The following TFG variants were observed in gnomAD, a reference collection of about 807,000 sequenced individuals.
The protein encoded by TFG is trafficking from ER to golgi regulator.
In TFG, 22 loss-of-function variants were observed where a neutral mutation model predicts 51.4. The ratio of observed to expected loss-of-function variants is 0.43; its 90% CI spans 0.31 to 0.61. The LOEUF (loss-of-function observed/expected upper bound fraction) is 0.61, where lower values mean the gene tolerates loss of function less well. Ranked by LOEUF, TFG falls within the 20% of genes least tolerant of loss-of-function variation. The probability of loss-of-function intolerance (pLI) is 0.12; values close to 1 mark genes in which losing one functional copy is unlikely to be tolerated. For synonymous variants in TFG, 187 were observed against 165.6 expected (o/e 1.13, Z -0.99); for missense variants, 419 against 487.7 (o/e 0.86, Z 1.33).
chr3:100,741,440 T>C (rs1035754707), intron 6 of TFG, among the ~76,000 whole-genome samples: 5 of 152,156 alleles, frequency 3.3e-5, no homozygotes, highest in Non-Finnish European at 7.4e-5. Context: ...AAAATGCTTA[T>C]AGAATAAGGA....
chr3:100,711,977 A>C (rs1010851728), intron 1 of TFG, among the ~76,000 whole-genome samples: 1 of 152,228 alleles, frequency 6.6e-6, no homozygotes, highest in Non-Finnish European at 1.5e-5. Context: ...CGAGAAGTCC[A>C]TTGTGAGAAC....
intron 7 of TFG, among the ~76,000 whole-genome samples, chr3:100,745,591 C>T (rs2095132725): frequency 6.6e-6 from 1 of 152,000 alleles, no homozygotes; most frequent in Admixed American, 6.6e-5. Flanking sequence ...GCTATAATTC[C>T]AGTATTTTTT....
At chr3:100,746,267 C>CT (rs1218714024) in intron 7 of TFG, among the ~76,000 whole-genome samples, 1 of 152,080 alleles carries the variant, frequency 6.6e-6, no homozygotes, top group African/African-American at 2.4e-5. Context: ...CTGGGGGAGG[C>CT]TATGTGTGGG....
chr3:100,731,907 A>G (rs1334461255), intron 4 of TFG, among the ~76,000 whole-genome samples: 1 of 152,200 alleles, frequency 6.6e-6, no homozygotes, highest in Non-Finnish European at 1.5e-5. Flanking sequence ...TAAGCATTTT[A>G]ATAAGTATTT....
At chr3:100,711,967 C>T (rs72919426) in intron 1 of TFG, among the ~76,000 whole-genome samples, 4,528 of 152,206 alleles carry the variant, frequency 0.03, 183 homozygotes, top group African/African-American at 0.092. Flanking sequence ...ACTGTCTTCA[C>T]GAGAAGTCCA....
chr3:100,713,659 T>C lies in TFG; in HGVS notation c.-27T>C. ...TTTTATCAGTCTTTCTCTAGAGTTG[T>C]ATATATAGAACATCCTGGAGTCCAC... On this transcript the variant is annotated 5_prime_UTR_variant, in exon 2 of 8. Transcript: ENST00000240851. 4 of 1,514,756 alleles carry C rather than the reference T, an allele frequency of 2.6e-6. No individual in the cohort carries two copies. Among genetic ancestry groups the C allele is most frequent in the Non-Finnish European group, 3.6e-6 (4 of 1,119,950 alleles). The allele number at this position is 1,514,756 out of a possible 1,614,324, so 93.8% of individuals were successfully genotyped here. A position where few individuals can be genotyped will look rare whatever the true frequency, so the allele number is the denominator to read the frequency against.
At position 100,713,822 on chromosome 3, in the gene TFG, G is replaced by T; in HGVS notation, c.137G>T (p.Gly46Val). Reference sequence around the variant, plus strand: ...CTAATGATGCAACGAGTTTTCAGAGGAAAACTTCTGAGTAATGATGAAGTA... The same window carrying T: ...CTAATGATGCAACGAGTTTTCAGAGTAAAACTTCTGAGTAATGATGAAGTA... ...LVLMMQRVFR[G>V]KLLSNDEVTI... The change falls in exon 2 of 8, where the codon GGA becomes GTA. Residue 46 changes from glycine to valine, a missense_variant. Coordinates refer to ENST00000240851, the MANE Select transcript of TFG (RefSeq NM_006070.6). 1 of 1,581,232 alleles carries T rather than the reference G, an allele frequency of 6.3e-7. No individual in the cohort carries two copies. Among genetic ancestry groups the T allele is most frequent in the South Asian group, 1.2e-5 (1 of 86,540 alleles).
At position 100,741,255 on chromosome 3, in the gene TFG, G is replaced by A. The variant is rs115821936; in HGVS notation, c.722-3578G>A. On this transcript the variant is annotated intron_variant, in intron 6 of 7. Transcript: ENST00000240851. ...AAGGCATTGTTATCATAGGAGATGA[G>A]AGCTCCATGGATGTTCTTGACCCTG... is the stretch of plus-strand genomic sequence containing the variant. Among the ~76,000 whole-genome samples the A allele has an allele frequency of 3.2e-3, 494 of 152,272 alleles. 2 individuals carry two copies. Among genetic ancestry groups the A allele is most frequent in the African/African-American group, 0.012 (483 of 41,566 alleles).
chr3:100,710,970 G>C (rs538084991), intron 1 of TFG: 2 of 152,340 alleles, frequency 1.3e-5, no homozygotes, highest in South Asian at 4.1e-4. Flanking sequence ...ACTCTGGGGA[G>C]ATGACTGCAA....
intron 5 of TFG, among the ~76,000 whole-genome samples, chr3:100,732,929 A>G (rs1453507226): frequency 6.6e-6 from 1 of 152,182 alleles, no homozygotes; most frequent in African/African-American, 2.4e-5. Context: ...TTAAAGAATA[A>G]GCACTGTTGG....
intron 2 of TFG, 32 bp from the exon 3 acceptor site, chr3:100,719,943 A>G: frequency 7.0e-7 from 1 of 1,421,370 alleles, no homozygotes; most frequent in Non-Finnish European, 9.6e-7. Flanking sequence ...TTAAAAAATT[A>G]AAAAACAACC....
At chr3:100,747,757 T>C (rs1379682154) in intron 7 of TFG, among the ~76,000 whole-genome samples, 2 of 152,196 alleles carry the variant, frequency 1.3e-5, no homozygotes, top group Non-Finnish European at 2.9e-5. Flanking sequence ...CATATAAAAA[T>C]GTTCATTCTC....
rs753375115 is a variant in TFG at position 100,748,272 on chromosome 3, C to T, written c.944C>T (p.Pro315Leu). ...CAGCCTCAACAACTGCCTGCTCAGC[C>T]GCCACAGCAGTACCAGGCGAGCAAT... ...SGQPQQLPAQPPQQYQASNYP... is the reference protein window; with the variant it reads ...SGQPQQLPAQLPQQYQASNYP... The change falls in exon 8 of 8, where the codon CCG becomes CTG. Residue 315 changes from proline to leucine, a missense_variant. Transcript: ENST00000240851. 73 of 1,613,960 alleles carry T rather than the reference C, an allele frequency of 4.5e-5. 1 individual carries two copies. The highest frequency in any genetic ancestry group is 1.6e-4 in the Middle Eastern group (1 of 6,084).
rs2095037868 is a variant in TFG, at chr3:100,713,889, T to C, written c.184+20T>C. The C allele has an allele frequency of 7.9e-7, 1 of 1,272,372 alleles. No individual in the cohort carries two copies. Among genetic ancestry groups the C allele is most frequent in the Non-Finnish European group, 1.1e-6 (1 of 938,884 alleles). The allele number at this position is 1,272,372 out of a possible 1,614,324, so 78.8% of individuals were successfully genotyped here. A position where few individuals can be genotyped will look rare whatever the true frequency, so the allele number is the denominator to read the frequency against. On this transcript the variant is annotated intron_variant, in intron 2 of 7. Transcript: ENST00000240851. Reference sequence around the variant, plus strand: ...ATGAAGGTAAGAGTGTTTTTAAAGCTATTTTTTAAAGTCTTTTTAAAAAAA... The same window carrying C: ...ATGAAGGTAAGAGTGTTTTTAAAGCCATTTTTTAAAGTCTTTTTAAAAAAA...
chr3:100,732,047 A>G (rs960215597), intron 4 of TFG, among the ~76,000 whole-genome samples: 1 of 152,214 alleles, frequency 6.6e-6, no homozygotes, highest in Non-Finnish European at 1.5e-5. Flanking sequence ...ACCAGTAGAC[A>G]GTAGAAATAA....
chr3:100,744,113 T>C (rs977571911), intron 6 of TFG: 5 of 152,144 alleles, frequency 3.3e-5, no homozygotes, highest in African/African-American at 1.2e-4. Context: ...TCATAGGTAA[T>C]AAGTGTCTAA....
chr3:100,741,396 T>G (rs2095120820), intron 6 of TFG, among the ~76,000 whole-genome samples: 1 of 152,070 alleles, frequency 6.6e-6, no homozygotes, highest in Non-Finnish European at 1.5e-5. Context: ...TCTAAATGTT[T>G]AAAAAAGTAA....
At chr3:100,718,550 T>G (rs2947093) in intron 2 of TFG, among the ~76,000 whole-genome samples, 20 of 1,278 alleles carry the variant, frequency 0.016, no homozygotes, top group African/African-American at 0.043. Context: ...TATTTCATGG[T>G]TTTTTTTTTT....
chr3:100,738,684 C>G (rs1334037068), intron 6 of TFG, among the ~76,000 whole-genome samples: 1 of 152,110 alleles, frequency 6.6e-6, no homozygotes, highest in Non-Finnish European at 1.5e-5. Context: ...CTGCAATTAA[C>G]TGTTAGCTTA....
Sources: allele counts gnomAD v4.1 joint callset (sites outside exome capture counted in the v4.1 genomes callset), GRCh38; gene constraint gnomAD v4.1.1; transcripts MANE v1.5; gene names NCBI Gene and HGNC (gene_info 2026-07-23, HGNC 2026-07-21).